Variants in SNTG1 observed in about 807,000 individuals in gnomAD.
The protein encoded by SNTG1 is gamma-1-syntrophin.
Under a neutral mutation model 74.7 loss-of-function variants are expected in SNTG1, and 39 were observed. The ratio of observed to expected loss-of-function variants is 0.52; its 90% CI spans 0.40 to 0.68. The LOEUF (loss-of-function observed/expected upper bound fraction) is 0.68, where lower values mean the gene tolerates loss of function less well. SNTG1 is among the 30% of genes least tolerant of loss of function. The pLI, the probability that SNTG1 is intolerant of heterozygous loss-of-function variation, is 0.00. For missense variants in SNTG1, 685 were observed against 609.5 expected (o/e 1.12, Z -1.30); for synonymous variants, 254 against 217.1 (o/e 1.17, Z -1.49).
chr8:50,672,344 C>T (rs2095288100), intron 15 of SNTG1, among the ~76,000 whole-genome samples: 1 of 152,122 alleles, frequency 6.6e-6, no homozygotes, highest in Non-Finnish European at 1.5e-5. Flanking sequence ...TCTCCACCAT[C>T]TATTGTTTCT....
chr8:50,230,166 T>C (rs1478716871), intron 2 of SNTG1, among the ~76,000 whole-genome samples: 1 of 151,214 alleles, frequency 6.6e-6, no homozygotes, highest in African/African-American at 2.4e-5. Context: ...ACTTAAAAAC[T>C]AGAGAAAAAG....
intron 2 of SNTG1, among the ~76,000 whole-genome samples, chr8:50,280,471 C>T (rs2088377945): frequency 1.3e-5 from 2 of 152,120 alleles, no homozygotes; most frequent in Non-Finnish European, 2.9e-5. Context: ...GAGGTTTATT[C>T]TGAGCCAAGT....
intron 13 of SNTG1, among the ~76,000 whole-genome samples, chr8:50,623,773 C>T (rs902748914): frequency 1.3e-5 from 2 of 151,764 alleles, no homozygotes; most frequent in Non-Finnish European, 2.9e-5. Context: ...AAGTGTTGGT[C>T]TCATAATATC....
intron 13 of SNTG1, among the ~76,000 whole-genome samples, chr8:50,596,845 T>C (rs1398089916): frequency 6.6e-6 from 1 of 152,082 alleles, no homozygotes; most frequent in Non-Finnish European, 1.5e-5. Context: ...AAATCATATA[T>C]ACACTGTATA....
intron 2 of SNTG1, among the ~76,000 whole-genome samples, chr8:50,197,439 A>G (rs2083817309): frequency 6.6e-6 from 1 of 152,082 alleles, no homozygotes; most frequent in African/African-American, 2.4e-5. Flanking sequence ...TGTCTCTGTT[A>G]ATAGGTGCAC....
At chr8:50,759,268 A>C (rs1221461110) in intron 18 of SNTG1, among the ~76,000 whole-genome samples, 1 of 151,796 alleles carries the variant, frequency 6.6e-6, no homozygotes, top group African/African-American at 2.4e-5. Flanking sequence ...TGGCCTGTTC[A>C]CTCTGATGAT....
intron 2 of SNTG1, among the ~76,000 whole-genome samples, chr8:50,334,469 G>A (rs1171523041): frequency 6.7e-6 from 1 of 150,082 alleles, no homozygotes; most frequent in East Asian, 2.0e-4. Context: ...GTTCTGCATT[G>A]TTTGCCTGGG....
chr8:50,320,459 C>A (rs1331165290), intron 2 of SNTG1, among the ~76,000 whole-genome samples: 1 of 151,502 alleles, frequency 6.6e-6, no homozygotes, highest in African/African-American at 2.4e-5. Context: ...TTCAAAAAAC[C>A]AACTTTTTGT....
intron 1 of SNTG1, among the ~76,000 whole-genome samples, chr8:50,136,376 C>T (rs1262963101): frequency 6.6e-6 from 1 of 152,106 alleles, no homozygotes; most frequent in Non-Finnish European, 1.5e-5. Flanking sequence ...ACAATGAAAG[C>T]ATATAAGCTT....
chr8:50,121,643 T>G (rs1479399987), intron 1 of SNTG1, among the ~76,000 whole-genome samples: 1 of 141,872 alleles, frequency 7.0e-6, no homozygotes, highest in Non-Finnish European at 1.6e-5. Flanking sequence ...GAAGGAGAAT[T>G]TGTTGAGGAT....
intron 1 of SNTG1, among the ~76,000 whole-genome samples, chr8:49,993,468 C>T (rs1262315702): frequency 6.6e-6 from 1 of 151,850 alleles, no homozygotes; most frequent in African/African-American, 2.4e-5. Flanking sequence ...TATACATGTG[C>T]CATGGTGGTT....
chr8:50,694,341 A>G (rs1265796769), intron 15 of SNTG1, among the ~76,000 whole-genome samples: 4 of 152,124 alleles, frequency 2.6e-5, no homozygotes, highest in African/African-American at 7.2e-5. Flanking sequence ...AACCTAGAAG[A>G]AATGAATACA....
At chr8:50,726,295 A>G (rs2095499862) in intron 17 of SNTG1, among the ~76,000 whole-genome samples, 1 of 152,206 alleles carries the variant, frequency 6.6e-6, no homozygotes, top group Admixed American at 6.5e-5. Flanking sequence ...GGTGCTATGG[A>G]GCAGTTAGTA....
intron 1 of SNTG1, among the ~76,000 whole-genome samples, chr8:50,153,192 C>T (rs1003354821): frequency 2.0e-5 from 3 of 152,270 alleles, no homozygotes; most frequent in Non-Finnish European, 4.4e-5. Flanking sequence ...TCCACTTGAT[C>T]GAATTGGCTA....
chr8:50,074,445 T>G (rs946318603), intron 1 of SNTG1, among the ~76,000 whole-genome samples: 6 of 152,212 alleles, frequency 3.9e-5, no homozygotes, highest in Non-Finnish European at 8.8e-5. Flanking sequence ...CTAACTTACC[T>G]AATTTCAATA....
intron 13 of SNTG1, among the ~76,000 whole-genome samples, chr8:50,649,804 T>C (rs1180832220): frequency 1.3e-5 from 2 of 152,008 alleles, no homozygotes; most frequent in African/African-American, 4.8e-5. Context: ...TTTCTATTTT[T>C]TACTATTAAT....
intron 15 of SNTG1, among the ~76,000 whole-genome samples, chr8:50,703,510 G>T (rs556595843): frequency 1.5e-3 from 233 of 151,896 alleles, no homozygotes; most frequent in Non-Finnish European, 2.8e-3. Flanking sequence ...GGAACTGCTT[G>T]AGCCTGTTTT....
chr8:50,268,255 C>A (rs1184878285), intron 2 of SNTG1, among the ~76,000 whole-genome samples: 4 of 152,072 alleles, frequency 2.6e-5, no homozygotes, highest in Non-Finnish European at 5.9e-5. Context: ...ATGAAATCAA[C>A]CTATATTTAA....
Position 50,412,165 on chromosome 8 carries a change from T to C in SNTG1, c.162+9821T>C, listed in dbSNP as rs565057861. Among the ~76,000 whole-genome samples, 9 of 152,356 alleles carry C rather than the reference T, an allele frequency of 5.9e-5. No individual in the cohort carries two copies. In the South Asian group the frequency reaches 1.7e-3, roughly 28 times the overall value. On this transcript the variant is annotated intron_variant, in intron 4 of 18. Coordinates refer to ENST00000642720, the MANE Select transcript of SNTG1 (RefSeq NM_018967.5). The stretch of plus-strand genomic sequence containing the variant: ...TTAAGGATATTTATCTTAACGTGTT[T>C]TGTTAAACCTAGCATTGTTAAATCC...
Sources: allele counts gnomAD v4.1 joint callset (sites outside exome capture counted in the v4.1 genomes callset), GRCh38; gene constraint gnomAD v4.1.1; transcripts MANE v1.5; gene names NCBI Gene and HGNC (gene_info 2026-07-23, HGNC 2026-07-21).